The following LAMC1 variants were observed in gnomAD, a reference collection of about 807,000 sequenced individuals.
LAMC1 encodes the protein laminin subunit gamma 1.
Under a neutral mutation model 173.6 loss-of-function variants are expected in LAMC1, and 38 were observed. The ratio of observed to expected loss-of-function variants is 0.22; its 90% CI spans 0.17 to 0.29. LAMC1 has a LOEUF of 0.29. Ranked by LOEUF, LAMC1 falls within the 10% of genes least tolerant of loss-of-function variation. LAMC1 has a pLI of 1.00. For missense variants in LAMC1, 1,824 were observed against 2,051.8 expected, an observed-to-expected ratio of 0.89 and a Z score of 2.14; for synonymous variants, 746 against 749.1, an observed-to-expected ratio of 1.00 and a Z score of 0.07.
chr1:183,092,363 CAG>C (rs1422114677), intron 1 of LAMC1, among the ~76,000 whole-genome samples: 2 of 151,606 alleles, frequency 1.3e-5, no homozygotes, highest in South Asian at 2.1e-4. Flanking sequence ...TAAAAAAATA[CAG>C]AGTCTGGGGA....
intron 1 of LAMC1, among the ~76,000 whole-genome samples, chr1:183,056,708 C>T (rs1654606590): frequency 6.6e-6 from 1 of 152,204 alleles, no homozygotes; most frequent in Non-Finnish European, 1.5e-5. Flanking sequence ...ATAGCAATTG[C>T]TTAAGATCAG....
chr1:183,067,682 GGGTTTTACTGTATT>G (rs898354856), intron 1 of LAMC1, among the ~76,000 whole-genome samples: 1 of 151,986 alleles, frequency 6.6e-6, no homozygotes, highest in African/African-American at 2.4e-5. Flanking sequence ...AGTAGAGATA[GGGTTTTACTGTATT>G]GGCCAGGCTG....
chr1:183,043,964 T>G (rs1474476378), intron 1 of LAMC1, among the ~76,000 whole-genome samples: 1 of 152,186 alleles, frequency 6.6e-6, no homozygotes, highest in African/African-American at 2.4e-5. Context: ...CCTTCTTGTC[T>G]GCTCTTTATC....
chr1:183,036,567 T>C (rs1653989788), intron 1 of LAMC1, among the ~76,000 whole-genome samples: 1 of 151,656 alleles, frequency 6.6e-6, no homozygotes, highest in Admixed American at 6.6e-5. Flanking sequence ...CACACCCAGC[T>C]AATTTTTGTA....
rs768521902 is a variant in LAMC1, at chr1:183,130,549, GGTAA to G, written c.3486+3_3486+6del. On this transcript the variant is annotated splice_donor_variant and splice_donor_region_variant and intron_variant, in intron 19 of 27. Transcript: ENST00000258341. LOFTEE classifies it high-confidence loss of function. ...AAGCAAAAGTCGCTGCTGCCAATGT[GGTAA>G]GTGATTGCAAACGTCTGAGGTGGGG... 2 of 1,613,764 alleles carry G rather than the reference GGTAA, an allele frequency of 1.2e-6. No homozygotes were observed. Among genetic ancestry groups the G allele is most frequent in the Non-Finnish European group, 1.7e-6 (2 of 1,179,660 alleles).
In LAMC1 at chr1:183,141,656, A is replaced by G. The variant is rs935242237; in HGVS notation, c.4574-878A>G. On this transcript the variant is annotated intron_variant, in intron 27 of 27. Coordinates refer to ENST00000258341, the MANE Select transcript of LAMC1 (RefSeq NM_002293.4). ...TGTTTTGGTGGGGGGCTACAGGGGTATTTTTTATCGGTCTCAAATGTCAAG... is the reference window on the plus strand; with the variant it reads ...TGTTTTGGTGGGGGGCTACAGGGGTGTTTTTTATCGGTCTCAAATGTCAAG... Among the ~76,000 whole-genome samples, 12 of 152,172 alleles carry G rather than the reference A, an allele frequency of 7.9e-5. No individual in the cohort carries two copies. In the East Asian group the frequency reaches 2.3e-3, roughly 29 times the overall value.
chr1:183,097,647 T>C (rs890114184), intron 1 of LAMC1, among the ~76,000 whole-genome samples: 1 of 152,206 alleles, frequency 6.6e-6, no homozygotes, highest in Non-Finnish European at 1.5e-5. Flanking sequence ...TTCAGAGAGA[T>C]GAGAAATACT....
chr1:183,109,918 T>C (rs1162370917), intron 3 of LAMC1, among the ~76,000 whole-genome samples: 1 of 152,186 alleles, frequency 6.6e-6, no homozygotes, highest in Non-Finnish European at 1.5e-5. Context: ...GGGTGAGGTA[T>C]CTAATGTGTC....
intron 11 of LAMC1, 55 bp downstream of exon 11, chr1:183,118,201 A>T: frequency 9.8e-7 from 1 of 1,024,674 alleles, no homozygotes. Context: ...GGTTAGAAAG[A>T]TTCATGATAA....
Position 183,145,534 on chromosome 1 carries a change from A to AT in LAMC1, c.*2745dup, listed in dbSNP as rs1174749784. Reference sequence around the variant, plus strand: ...ATAAAATGCAACACTTGGCATTTTTATGTTTTAAGAAAAACAGTATTTTAT... The same window carrying AT: ...ATAAAATGCAACACTTGGCATTTTTATTGTTTTAAGAAAAACAGTATTTTAT... On this transcript the variant is annotated 3_prime_UTR_variant, in exon 28 of 28. Coordinates refer to ENST00000258341, the MANE Select transcript of LAMC1 (RefSeq NM_002293.4). 6.6e-6 allele frequency: 1 copy of AT among 152,548 alleles called. No homozygotes were observed. The highest frequency in any genetic ancestry group is 1.5e-5 in the Non-Finnish European group (1 of 68,020). 9.4% of individuals were successfully genotyped at this position (152,548 alleles called of 1,614,324 possible).
chr1:183,056,505 C>T (rs1304081022), intron 1 of LAMC1, among the ~76,000 whole-genome samples: 1 of 152,174 alleles, frequency 6.6e-6, no homozygotes, highest in Non-Finnish European at 1.5e-5. Context: ...CATCTTCATC[C>T]TTGAAGAGTT....
chr1:183,134,194 C>G (rs960495075), intron 22 of LAMC1, among the ~76,000 whole-genome samples: 2 of 152,172 alleles, frequency 1.3e-5, no homozygotes, highest in Non-Finnish European at 2.9e-5. Flanking sequence ...CTAAGTTTCA[C>G]TTCTTATATC....
intron 19 of LAMC1, 142 bp downstream of exon 19, chr1:183,130,691 G>A: frequency 1.5e-6 from 1 of 645,574 alleles, no homozygotes; most frequent in East Asian, 2.7e-5. Context: ...GGGCAGAAAA[G>A]CCACATTGCT....
At chr1:183,129,386 C>T (rs776548969) in intron 18 of LAMC1, among the ~76,000 whole-genome samples, 34 of 151,978 alleles carry the variant, frequency 2.2e-4, no homozygotes, top group Non-Finnish European at 4.1e-4. Context: ...CTGCGCCCAG[C>T]CAAAAAATTT....
At chr1:183,106,203 A>C (rs930897813) in intron 2 of LAMC1, among the ~76,000 whole-genome samples, 3 of 152,244 alleles carry the variant, frequency 2.0e-5, no homozygotes, top group African/African-American at 7.2e-5. Flanking sequence ...TAGGAAAAAA[A>C]AATGGCTTAG....
At chr1:183,063,719 T>G (rs766430642) in intron 1 of LAMC1, among the ~76,000 whole-genome samples, 7 of 152,200 alleles carry the variant, frequency 4.6e-5, no homozygotes, top group Non-Finnish European at 1.0e-4. Flanking sequence ...TCTCATCAAT[T>G]CCATTTGAAT....
rs1657215560 is a variant in LAMC1, at chr1:183,144,920, T to C, written c.*2130T>C. 1 of 152,214 alleles carries C rather than the reference T, an allele frequency of 6.6e-6. No homozygotes were observed. The highest frequency in any genetic ancestry group is 1.5e-5 in the Non-Finnish European group (1 of 68,038). 9.4% of individuals were successfully genotyped at this position (152,214 alleles called of 1,614,324 possible). On this transcript the variant is annotated 3_prime_UTR_variant, in exon 28 of 28. Coordinates refer to ENST00000258341, the MANE Select transcript of LAMC1 (RefSeq NM_002293.4). ...GAGTTTACCACAAGTGTTTTGACGA[T>C]ATACTCCTGAGCTTTCACTCTGCTG...
intron 1 of LAMC1, among the ~76,000 whole-genome samples, chr1:183,071,464 C>A (rs1655010116): frequency 6.6e-6 from 1 of 152,130 alleles, no homozygotes; most frequent in South Asian, 2.1e-4. Flanking sequence ...TACATTCCGG[C>A]CTCATTATTT....
chr1:183,125,183 C>T, intron 14 of LAMC1: 1 of 599,078 alleles, frequency 1.7e-6, no homozygotes, highest in Non-Finnish European at 2.9e-6. Context: ...TATGTTTTTT[C>T]TCACGCTAAG....
Sources: allele counts gnomAD v4.1 joint callset (sites outside exome capture counted in the v4.1 genomes callset), GRCh38; gene constraint gnomAD v4.1.1; transcripts MANE v1.5; gene names NCBI Gene and HGNC (gene_info 2026-07-23, HGNC 2026-07-21).